DRD4: variants seen among roughly 807,000 people sequenced by gnomAD.
DRD4 encodes the protein dopamine receptor D4.
DRD4 carries 26 observed loss-of-function variants against 22.1 expected under a neutral mutation model. The observed-to-expected ratio is 1.17, with a 90% CI of 0.86 to 1.63. The LOEUF (loss-of-function observed/expected upper bound fraction) is 1.63, where lower values mean the gene tolerates loss of function less well. Among genes scored for constraint, DRD4 ranks in the 40% most tolerant of loss-of-function variants. The pLI is 0.00. For missense variants in DRD4, 913 were observed against 632.4 expected (o/e 1.44, Z -4.76); for synonymous variants, 455 against 306.7 (o/e 1.48, Z -5.05).
At chr11:640,334 GGA>G (rs1564914302) in intron 3 of DRD4, 28 bp downstream of exon 3, 2 of 1,525,874 alleles carry the variant, frequency 1.3e-6, no homozygotes, top group Non-Finnish European at 1.8e-6. Context: ...GGGGCGGGGA[GGA>G]GAGGAGGGGG....
rs989478549 is a variant in DRD4 at position 640,237 on chromosome 11, C to G, written c.988C>G (p.Arg330Gly). 6.5e-7 allele frequency: 1 copy of G among 1,533,024 alleles called. No homozygotes were observed. The highest frequency in any genetic ancestry group is 1.4e-5 in the African/African-American group (1 of 72,900). 95.0% of individuals were successfully genotyped at this position (1,533,024 alleles called of 1,614,324 possible). A position where few individuals can be genotyped will look rare whatever the true frequency, so the allele number is the denominator to read the frequency against. ...CCCACCCCAGACTCCACCGCAGACCCGCAGGAGGCGGCGTGCCAAGATCAC... is the reference window on the plus strand; with the variant it reads ...CCCACCCCAGACTCCACCGCAGACCGGCAGGAGGCGGCGTGCCAAGATCAC... Reference protein sequence around the residue: ...ALPPQTPPQTRRRRRAKITGR... With the variant: ...ALPPQTPPQTGRRRRAKITGR... The change falls in exon 3 of 4, where the codon CGC becomes GGC. Residue 330 changes from arginine to glycine, a missense_variant. Coordinates refer to ENST00000176183, the MANE Select transcript of DRD4 (RefSeq NM_000797.4).
chr11:639,167 A>G, intron 1 of DRD4: 1 of 501,668 alleles, frequency 2.0e-6, no homozygotes, highest in Non-Finnish European at 3.6e-6. Context: ...AGGTGGGAGG[A>G]TCGCTTGAGC....
At chr11:640,343 G>C (rs776312356) in intron 3 of DRD4, 37 bp downstream of exon 3, 56 of 1,551,114 alleles carry the variant, frequency 3.6e-5, no homozygotes, top group Admixed American at 3.0e-4. Context: ...AGGAGAGGAG[G>C]GGGGGGGTAC....
At chr11:639,211 A>C (rs1858139123) in intron 1 of DRD4, 1 of 562,716 alleles carries the variant, frequency 1.8e-6, no homozygotes, top group Non-Finnish European at 3.2e-6. Context: ...GCCATGATGG[A>C]GCCACAGCAC....
chr11:639,103 A>C, intron 1 of DRD4: 1 of 335,848 alleles, frequency 3.0e-6, no homozygotes, highest in Non-Finnish European at 5.7e-6. Context: ...AAAGAAAAAC[A>C]AATCAGCCGG....
At position 640,134 on chromosome 11, in the gene DRD4, G is replaced by C; in HGVS notation, c.885G>C (p.Ala295=). Residue 295 remains alanine (A), a synonymous_variant, in exon 3 of 4, where the codon GCG becomes GCC. Transcript: ENST00000176183. ...AGGACCCCTGCGGCCCCGACTGTGCGCCCCCCGCGCCCGGCCTCCCCCCGG... is the reference window on the plus strand; with the variant it reads ...AGGACCCCTGCGGCCCCGACTGTGCCCCCCCCGCGCCCGGCCTCCCCCCGG... ...LPQDPCGPDC[A]PPAPGLPPDP... is the part of the protein sequence containing the mutation. 2.8e-6 allele frequency: 4 copies of C among 1,436,160 alleles called. No individual in the cohort carries two copies. Among genetic ancestry groups the C allele is most frequent in the Non-Finnish European group, 3.7e-6 (4 of 1,092,144 alleles). 89.0% of individuals were successfully genotyped at this position (1,436,160 alleles called of 1,614,324 possible). A position where few individuals can be genotyped will look rare whatever the true frequency, so the allele number is the denominator to read the frequency against.
At chr11:639,366 A>G in intron 1 of DRD4, 67 bp from the exon 2 acceptor site, 1 of 1,361,972 alleles carries the variant, frequency 7.3e-7, no homozygotes, top group East Asian at 2.6e-5. Flanking sequence ...TACCCATAAG[A>G]GTGGGGGCGG....
Position 640,116 on chromosome 11 carries a change from C to T in DRD4, c.867C>T (p.Pro289=). 7.2e-7 allele frequency: 1 copy of T among 1,391,028 alleles called. No individual in the cohort carries two copies. Among genetic ancestry groups the T allele is most frequent in the Non-Finnish European group, 9.4e-7 (1 of 1,067,464 alleles). 86.2% of individuals were successfully genotyped at this position (1,391,028 alleles called of 1,614,324 possible). The change falls in exon 3 of 4, where the codon CCC becomes CCT. Residue 289 remains proline, a synonymous_variant. Coordinates refer to ENST00000176183, the MANE Select transcript of DRD4 (RefSeq NM_000797.4). ...CCGCGCCCAGCCTCCCCCAGGACCC[C>T]TGCGGCCCCGACTGTGCGCCCCCCG... ...APAAPSLPQD[P]CGPDCAPPAP...
chr11:639,348 C>T (rs1215094779), intron 1 of DRD4, 85 bp from the exon 2 acceptor site: 41 of 1,312,848 alleles, frequency 3.1e-5, no homozygotes, highest in Non-Finnish European at 3.9e-5. Flanking sequence ...CGTATTCAGC[C>T]CTGGAACTAC....
chr11:640,237 C>T lies in DRD4; in HGVS notation c.988C>T (p.Arg330Cys), dbSNP rs989478549. 3.3e-6 allele frequency: 5 copies of T among 1,533,134 alleles called. No homozygotes were observed. Among genetic ancestry groups the T allele is most frequent in the South Asian group, 1.2e-5 (1 of 83,950 alleles). The allele number at this position is 1,533,134 out of a possible 1,614,324, so 95.0% of individuals were successfully genotyped here. Residue 330 changes from arginine to cysteine, a missense_variant, in exon 3 of 4, where the codon CGC becomes TGC. Arg to Cys is a radical substitution (Grantham distance 180). Transcript: ENST00000176183. ...ALPPQTPPQT[R>C]RRRRAKITGR... ...CCCACCCCAGACTCCACCGCAGACC[C>T]GCAGGAGGCGGCGTGCCAAGATCAC...
At position 637,434 on chromosome 11, in the gene DRD4, C is replaced by CAGGCACGCGGACCAG. The variant is rs1858086063; in HGVS notation, c.130_131insAGGCACGCGGACCAG (p.Leu44delinsGlnAlaArgGlyProVal). ...GGCGGCGCTGGTGGGGGGCGTGCTG[C>CAGGCACGCGGACCAG]TCATCGGCGCGGTGCTCGCGGGGAA... On this transcript the variant is annotated protein_altering_variant, in exon 1 of 4. Coordinates refer to ENST00000176183, the MANE Select transcript of DRD4 (RefSeq NM_000797.4). The CAGGCACGCGGACCAG allele has an allele frequency of 6.5e-7, 1 of 1,531,066 alleles. No individual in the cohort carries two copies. Among genetic ancestry groups the CAGGCACGCGGACCAG allele is most frequent in the Non-Finnish European group, 8.7e-7 (1 of 1,144,838 alleles). 94.8% of individuals were successfully genotyped at this position (1,531,066 alleles called of 1,614,324 possible). A position where few individuals can be genotyped will look rare whatever the true frequency, so the allele number is the denominator to read the frequency against.
In DRD4 at chr11:637,399, G is replaced by T. The variant is rs1360285771; in HGVS notation, c.95G>T (p.Gly32Val). Residue 32 changes from glycine to valine, a missense_variant, in exon 1 of 4, where the codon GGG becomes GTG. Coordinates refer to ENST00000176183, the MANE Select transcript of DRD4 (RefSeq NM_000797.4). ...ASAGASAGLAGQGAAALVGGV... is the reference protein window; with the variant it reads ...ASAGASAGLAVQGAAALVGGV... ...GCGGGGGCATCTGCGGGGCTGGCTG[G>T]GCAGGGCGCGGCGGCGCTGGTGGGG... The T allele has an allele frequency of 1.4e-6, 2 of 1,480,604 alleles. No homozygotes were observed. The highest frequency in any genetic ancestry group is 2.9e-5 in the African/African-American group (2 of 68,670). The allele number at this position is 1,480,604 out of a possible 1,614,324, so 91.7% of individuals were successfully genotyped here. A position where few individuals can be genotyped will look rare whatever the true frequency, so the allele number is the denominator to read the frequency against.
rs773248526 is a variant in DRD4, at chr11:640,471, C to A, written c.1128C>A (p.Ser376=). The A allele has an allele frequency of 6.2e-7, 1 of 1,602,080 alleles. No homozygotes were observed. The highest frequency in any genetic ancestry group is 1.3e-5 in the African/African-American group (1 of 74,932). The change falls in exon 4 of 4, where the codon TCC becomes TCA. Residue 376 remains serine, a synonymous_variant. Transcript: ENST00000176183. The part of the protein sequence containing the change: ...HITQALCPAC[S]VPPRLVSAVT... ...CGCAGGCGCTGTGTCCTGCCTGCTC[C>A]GTGCCCCCGCGGCTGGTCAGCGCCG...
rs550430259 is a variant in DRD4, at chr11:637,295, C to A, written c.-10C>A. 5 of 1,197,474 alleles carry A rather than the reference C, an allele frequency of 4.2e-6. No homozygotes were observed. Among genetic ancestry groups the A allele is most frequent in the South Asian group, 3.6e-5 (1 of 27,494 alleles). 74.2% of individuals were successfully genotyped at this position (1,197,474 alleles called of 1,614,324 possible). On this transcript the variant is annotated 5_prime_UTR_variant, in exon 1 of 4. Transcript: ENST00000176183. Reference sequence around the variant, plus strand: ...TTGTCCGCGGTGCTCAGCGCCCGCCCGGGCGCGCCATGGGGAACCGCAGCA... The same window carrying A: ...TTGTCCGCGGTGCTCAGCGCCCGCCAGGGCGCGCCATGGGGAACCGCAGCA...
At chr11:637,870 G>A (rs1345401417) in intron 1 of DRD4, among the ~76,000 whole-genome samples, 3 of 152,168 alleles carry the variant, frequency 2.0e-5, no homozygotes, top group Admixed American at 2.0e-4. Flanking sequence ...TCTATCCAGG[G>A]ACCCCGGAAA....
chr11:639,587 C>CCGG, intron 2 of DRD4, 42 bp downstream of exon 2: 1 of 1,289,984 alleles, frequency 7.8e-7, no homozygotes, highest in Admixed American at 4.2e-5. Flanking sequence ...CCCCCGCGCC[C>CCGG]CGCCCGCCGC....
In DRD4 at chr11:640,274, G is replaced by A. The variant is rs571854363; in HGVS notation, c.1025G>A (p.Arg342His). 4 of 1,534,394 alleles carry A rather than the reference G, an allele frequency of 2.6e-6. No homozygotes were observed. Among genetic ancestry groups the A allele is most frequent in the East Asian group, 4.9e-5 (2 of 41,030 alleles). The change falls in exon 3 of 4, where the codon CGC becomes CAC. Residue 342 changes from arginine (R) to histidine (H), a missense_variant. Physicochemically the swap from Arg to His is conservative, Grantham distance 29 (BLOSUM62 0). Coordinates refer to ENST00000176183, the MANE Select transcript of DRD4 (RefSeq NM_000797.4). ...CGTGCCAAGATCACCGGCCGGGAGC[G>A]CAAGGCCATGAGGGTCCTGCCGGTG... ...RRRAKITGRERKAMRVLPVVV... is the reference protein window; with the variant it reads ...RRRAKITGREHKAMRVLPVVV...
rs771415447 is a variant in DRD4, at chr11:639,565, C to T, written c.398+20C>T. The T allele has an allele frequency of 5.7e-6, 8 of 1,412,334 alleles. No individual in the cohort carries two copies. Among genetic ancestry groups the T allele is most frequent in the Non-Finnish European group, 7.4e-6 (8 of 1,080,604 alleles). 87.5% of individuals were successfully genotyped at this position (1,412,334 alleles called of 1,614,324 possible). ...GGACAGGTGCGCCGCCCTCCCCGCC[C>T]GCGCCCCGGCGCCCCCGCGCCCCGC... On this transcript the variant is annotated intron_variant, in intron 2 of 3. Coordinates refer to ENST00000176183, the MANE Select transcript of DRD4 (RefSeq NM_000797.4).
Position 640,050 on chromosome 11 carries a change from C to CT in DRD4, c.801_802insT (p.Gly268TrpfsTer182). The CT allele has an allele frequency of 1.7e-6, 2 of 1,187,338 alleles. No homozygotes were observed. Among genetic ancestry groups the CT allele is most frequent in the Non-Finnish European group, 2.1e-6 (2 of 951,324 alleles). The allele number at this position is 1,187,338 out of a possible 1,614,324, so 73.6% of individuals were successfully genotyped here. On this transcript the variant is annotated frameshift_variant, in exon 3 of 4. Coordinates refer to ENST00000176183, the MANE Select transcript of DRD4 (RefSeq NM_000797.4). LOFTEE classifies it high-confidence loss of function. ...GCCCCGACTGTGCGCCCCCCGCGCCCGGCCTTCCCCGGGGTCCCTGCGGCC... is the reference window on the plus strand; with the variant it reads ...GCCCCGACTGTGCGCCCCCCGCGCCCTGGCCTTCCCCGGGGTCCCTGCGGCC...
Sources: allele counts gnomAD v4.1 joint callset (sites outside exome capture counted in the v4.1 genomes callset), GRCh38; gene constraint gnomAD v4.1.1; transcripts MANE v1.5; gene names NCBI Gene and HGNC (gene_info 2026-07-23, HGNC 2026-07-21).